MKNK1: variants seen among roughly 807,000 people sequenced by gnomAD.
MKNK1 encodes the protein MAPK interacting serine/threonine kinase 1, also known as MAP kinase-interacting serine/threonine-protein kinase 1.
Under a neutral mutation model 49.3 loss-of-function variants are expected in MKNK1, and 30 were observed. That is an observed-to-expected ratio of 0.61 (90% CI 0.46 to 0.83). MKNK1 has a LOEUF of 0.83. Among genes scored for constraint, MKNK1 ranks in the 40% least tolerant of loss-of-function variants. MKNK1 has a pLI of 0.00. For missense variants in MKNK1, 423 were observed against 524.7 expected (o/e 0.81, Z 1.89); for synonymous variants, 176 against 201.7 (o/e 0.87, Z 1.08).
chr1:46,587,963 A>G (rs149058990), intron 2 of MKNK1, among the ~76,000 whole-genome samples: 1 of 152,262 alleles, frequency 6.6e-6, no homozygotes, highest in Non-Finnish European at 1.5e-5. Flanking sequence ...CTAATACGCT[A>G]CAATTTTAAA....
At chr1:46,585,668 G>A in intron 2 of MKNK1, 1 of 378,072 alleles carries the variant, frequency 2.6e-6, no homozygotes, top group South Asian at 2.0e-5. Context: ...GAGCAGAGGA[G>A]CAGCAAGAGG....
chr1:46,588,280 CCTG>C (rs1330051509), intron 2 of MKNK1, among the ~76,000 whole-genome samples: 1 of 151,954 alleles, frequency 6.6e-6, no homozygotes, highest in Non-Finnish European at 1.5e-5. Flanking sequence ...ATTTATTTTT[CCTG>C]CTATTATTGT....
Position 46,564,899 on chromosome 1 carries a change from G to C in MKNK1, c.609+142C>G, listed in dbSNP as rs1027539347. On this transcript the variant is annotated intron_variant, in intron 9 of 12. Coordinates refer to ENST00000371945, the MANE Select transcript of MKNK1 (RefSeq NM_001135553.4). ...GGGAGGCTTGAGAGCCACGAACACA[G>C]AGCAGCAAGCAAAATGATCACTCAG... 4.9e-6 allele frequency: 4 copies of C among 808,832 alleles called. No individual in the cohort carries two copies. The African/African-American group carries it at 6.8e-5, about 14-fold the overall frequency. The allele number at this position is 808,832 out of a possible 1,614,324, so 50.1% of individuals were successfully genotyped here. A position where few individuals can be genotyped will look rare whatever the true frequency, so the allele number is the denominator to read the frequency against.
intron 9 of MKNK1, among the ~76,000 whole-genome samples, chr1:46,564,044 C>CAAAAAAAAAAAAAAAAAAAAAAAAA: frequency 5.6e-4 from 22 of 39,082 alleles, no homozygotes; most frequent in Admixed American, 1.1e-3. Context: ...GACTCTGTCT[C>CAAAAAAAAAAAAAAAAAAAAAAAAA]AAAAAAAAAA....
At chr1:46,568,247 ACT>A (rs1669438572) in intron 8 of MKNK1, 194 bp downstream of exon 8, 2 of 594,574 alleles carry the variant, frequency 3.4e-6, no homozygotes, top group Non-Finnish European at 6.1e-6. Flanking sequence ...CATCAATCAC[ACT>A]GATGATCAAG....
chr1:46,588,392 A>T (rs1672875219), intron 2 of MKNK1, among the ~76,000 whole-genome samples: 1 of 152,216 alleles, frequency 6.6e-6, no homozygotes, highest in South Asian at 2.1e-4. Context: ...ATGTTTCTAG[A>T]TTTCTCTGTA....
Position 46,572,178 on chromosome 1 carries a change from G to A in MKNK1, c.353-11C>T. The A allele has an allele frequency of 6.2e-7, 1 of 1,612,256 alleles. No individual in the cohort carries two copies. The highest frequency in any genetic ancestry group is 8.5e-7 in the Non-Finnish European group (1 of 1,178,386). On this transcript the variant is annotated splice_polypyrimidine_tract_variant and intron_variant, in intron 6 of 12. Coordinates refer to ENST00000371945, the MANE Select transcript of MKNK1 (RefSeq NM_001135553.4). ...GGGCTAAGATGGAACCTGGGGAGCA[G>A]AGGGGACATAGAAGAATGCCTTTTT...
chr1:46,561,415 C>T, intron 11 of MKNK1, 63 bp downstream of exon 11: 2 of 1,517,688 alleles, frequency 1.3e-6, no homozygotes, highest in Non-Finnish European at 1.8e-6. Context: ...GGCATGACAG[C>T]TTCCTTGTGG....
intron 2 of MKNK1, among the ~76,000 whole-genome samples, chr1:46,587,963 A>C (rs149058990): frequency 1.3e-5 from 2 of 152,380 alleles, no homozygotes; most frequent in African/African-American, 2.4e-5. Context: ...CTAATACGCT[A>C]CAATTTTAAA....
Position 46,572,065 on chromosome 1 carries a change from T to A in MKNK1, c.455A>T (p.Lys152Ile). Reference sequence around the variant, plus strand: ...ACCAAGGCAAAGGCTGGGTTCACCTTTGGTATGCAGGAAGTCAAGGGCAGC... The same window carrying A: ...ACCAAGGCAAAGGCTGGGTTCACCTATGGTATGCAGGAAGTCAAGGGCAGC... ...VAAALDFLHT[K>I]GIAHRDLKPE... is the part of the protein sequence containing the mutation. Residue 152 changes from lysine (K) to isoleucine (I), a missense_variant and splice_region_variant, in exon 7 of 13, where the codon AAA becomes ATA. Transcript: ENST00000371945. The A allele has an allele frequency of 6.2e-7, 1 of 1,613,718 alleles. No individual in the cohort carries two copies. Among genetic ancestry groups the A allele is most frequent in the East Asian group, 2.2e-5 (1 of 44,862 alleles).
At chr1:46,578,511 C>A (rs578079908) in intron 4 of MKNK1, among the ~76,000 whole-genome samples, 1 of 152,070 alleles carries the variant, frequency 6.6e-6, no homozygotes, top group African/African-American at 2.4e-5. Flanking sequence ...ATATACCTCT[C>A]ATCCATAAAT....
At chr1:46,561,968 AC>A (rs1668063431) in intron 10 of MKNK1, among the ~76,000 whole-genome samples, 1 of 152,038 alleles carries the variant, frequency 6.6e-6, no homozygotes, top group African/African-American at 2.4e-5. Flanking sequence ...CTCATCTCCC[AC>A]TACCACCGAC....
intron 1 of MKNK1, among the ~76,000 whole-genome samples, chr1:46,602,799 G>A (rs1236208835): frequency 2.6e-5 from 4 of 152,164 alleles, no homozygotes; most frequent in Non-Finnish European, 4.4e-5. Context: ...CAAGGTTTCC[G>A]AGTAGTGTCT....
chr1:46,591,224 C>T (rs1673291756), intron 2 of MKNK1, among the ~76,000 whole-genome samples: 1 of 152,194 alleles, frequency 6.6e-6, no homozygotes, highest in Non-Finnish European at 1.5e-5. Context: ...CATAGCGATA[C>T]TGCAAGGGGC....
chr1:46,571,977 C>T (rs1670228735), intron 7 of MKNK1, 86 bp downstream of exon 7: 2 of 1,234,760 alleles, frequency 1.6e-6, no homozygotes, highest in African/African-American at 1.5e-5. Flanking sequence ...ATCTCCTGCA[C>T]CAGCCCTCTG....
intron 10 of MKNK1, 52 bp from the exon 11 acceptor site, chr1:46,561,694 G>A (rs764453147): frequency 1.3e-6 from 2 of 1,587,686 alleles, no homozygotes; most frequent in Non-Finnish European, 1.7e-6. Flanking sequence ...TGGGCAGGAT[G>A]TGCCTGTCAT....
intron 2 of MKNK1, among the ~76,000 whole-genome samples, chr1:46,592,488 G>T (rs533301326): frequency 6.6e-6 from 1 of 152,238 alleles, no homozygotes; most frequent in Non-Finnish European, 1.5e-5. Context: ...GATGGGGAGG[G>T]ACTGGGTGTG....
chr1:46,595,569 G>A lies in MKNK1; in HGVS notation c.-170-1289C>T, dbSNP rs192745354. On this transcript the variant is annotated intron_variant, in intron 1 of 12. Transcript: ENST00000371945. Reference sequence around the variant, plus strand: ...AAAATGGGCTCTAGTGAATCTGAATGAATTACTTAATACACGAAATATCTC... The same window carrying A: ...AAAATGGGCTCTAGTGAATCTGAATAAATTACTTAATACACGAAATATCTC... Among the ~76,000 whole-genome samples, 85 of 152,282 alleles carry A rather than the reference G, an allele frequency of 5.6e-4. 1 individual carries two copies. The South Asian group carries it at 9.3e-3, about 17-fold the overall frequency.
intron 1 of MKNK1, among the ~76,000 whole-genome samples, chr1:46,599,302 G>A (rs1281462132): frequency 2.0e-5 from 3 of 152,174 alleles, no homozygotes; most frequent in Non-Finnish European, 4.4e-5. Context: ...TTGAATTTGA[G>A]GGTGAGAAAA....
Sources: gnomAD v4.1 joint callset for allele counts (sites outside exome capture counted in the v4.1 genomes callset) on GRCh38, gnomAD v4.1.1 for gene constraint, MANE v1.5 for transcripts, NCBI Gene and HGNC (gene_info 2026-07-23, HGNC 2026-07-21) for gene names.